The following ADK variants were observed in gnomAD, a reference collection of about 807,000 sequenced individuals.
ADK encodes the protein N6,N6-dimethyladenosine kinase.
In ADK, 24 loss-of-function variants were observed where a neutral mutation model predicts 44.7. The observed-to-expected ratio is 0.54, with a 90% CI of 0.39 to 0.76. The LOEUF is 0.76. Ranked by LOEUF, ADK falls within the 30% of genes least tolerant of loss-of-function variation. The pLI is 0.00. For synonymous variants in ADK, 128 were observed against 142.6 expected, an observed-to-expected ratio of 0.90 and a Z score of 0.73; for missense variants, 321 against 425.1, an observed-to-expected ratio of 0.76 and a Z score of 2.15.
rs1844251357 is a variant in ADK, at chr10:74,220,296, TACACCCTCCCAAG to T, written c.141-4239_141-4227del. Among the ~76,000 whole-genome samples, 7 of 152,314 alleles carry T rather than the reference TACACCCTCCCAAG, an allele frequency of 4.6e-5. No individual in the cohort carries two copies. In the South Asian group the frequency reaches 1.4e-3, roughly 32 times the overall value. ...AGAAATGGATAAATTCCTTGATACA[TACACCCTCCCAAG>T]ACTAAACCAGGAAGAAGTTGAATCT... is the stretch of plus-strand genomic sequence containing the variant. On this transcript the variant is annotated intron_variant, in intron 2 of 10. Transcript: ENST00000539909.
intron 9 of ADK, among the ~76,000 whole-genome samples, chr10:74,648,226 A>G (rs1376838599): frequency 6.6e-6 from 1 of 152,182 alleles, no homozygotes; most frequent in Non-Finnish European, 1.5e-5. Context: ...GACCTGTCCT[A>G]CAAGAAATGC....
intron 6 of ADK, among the ~76,000 whole-genome samples, chr10:74,473,918 A>C (rs962806224): frequency 1.1e-4 from 17 of 152,190 alleles, no homozygotes; most frequent in African/African-American, 4.1e-4. Context: ...ATATTAGTGG[A>C]GAGATATTAT....
chr10:74,371,897 T>A lies in ADK; in HGVS notation c.274-22244T>A. On this transcript the variant is annotated intron_variant, in intron 4 of 10. Transcript: ENST00000539909. ...AGGCAGCCTTCCAAGAGCCACGGCT[T>A]CTTGTGGTTACTGACCCCAGGGCTG... 2.7e-6 allele frequency: 4 copies of A among 1,475,476 alleles called. No homozygotes were observed. The South Asian group carries it at 4.5e-5, about 17-fold the overall frequency. 91.4% of individuals were successfully genotyped at this position (1,475,476 alleles called of 1,614,324 possible). A position where few individuals can be genotyped will look rare whatever the true frequency, so the allele number is the denominator to read the frequency against.
At chr10:74,630,346 G>A (rs1853366117) in intron 9 of ADK, among the ~76,000 whole-genome samples, 1 of 149,916 alleles carries the variant, frequency 6.7e-6, no homozygotes, top group African/African-American at 2.4e-5. Flanking sequence ...TTTTGGTCCA[G>A]GATACAATCT....
chr10:74,664,824 G>A (rs1220552578), intron 9 of ADK, among the ~76,000 whole-genome samples: 8 of 151,950 alleles, frequency 5.3e-5, no homozygotes, highest in South Asian at 2.1e-4. Context: ...CCTGGGCGAC[G>A]CAGCGAAACT....
chr10:74,245,364 C>CAT (rs1845377208), intron 3 of ADK, among the ~76,000 whole-genome samples: 1 of 152,066 alleles, frequency 6.6e-6, no homozygotes, highest in African/African-American at 2.4e-5. Context: ...GAACTTGTTT[C>CAT]ATAGCATTTG....
intron 9 of ADK, among the ~76,000 whole-genome samples, chr10:74,607,798 C>G (rs761660616): frequency 1.3e-4 from 20 of 152,054 alleles, no homozygotes; most frequent in Non-Finnish European, 1.0e-4. Flanking sequence ...ATTGGGGAAG[C>G]TTTCTTGGAT....
intron 10 of ADK, among the ~76,000 whole-genome samples, chr10:74,681,849 CAAAA>C (rs34381749): frequency 5.4e-5 from 5 of 93,146 alleles, no homozygotes; most frequent in African/African-American, 1.5e-4. Flanking sequence ...GACTCCATCT[CAAAA>C]AAAAAAAAAA....
chr10:74,596,693 A>C (rs1851937638), intron 8 of ADK, among the ~76,000 whole-genome samples: 1 of 152,030 alleles, frequency 6.6e-6, no homozygotes, highest in South Asian at 2.1e-4. Context: ...CTATAGGCGC[A>C]TGCCACCACA....
chr10:74,400,266 G>A (rs553414470), intron 6 of ADK, among the ~76,000 whole-genome samples: 2 of 152,082 alleles, frequency 1.3e-5, no homozygotes, highest in East Asian at 1.9e-4. Flanking sequence ...TGTAGCTTCT[G>A]TTTCAGCAGT....
intron 6 of ADK, among the ~76,000 whole-genome samples, chr10:74,477,864 C>A (rs533238422): frequency 6.6e-6 from 1 of 152,320 alleles, no homozygotes; most frequent in African/African-American, 2.4e-5. Flanking sequence ...CTAAGCCTTT[C>A]ATAATAGTCA....
rs187852884 is a variant in ADK, at chr10:74,665,829, A to G, written c.878-4354A>G. On this transcript the variant is annotated intron_variant, in intron 9 of 10. Coordinates refer to ENST00000539909, the MANE Select transcript of ADK (RefSeq NM_006721.4). ...AAGAAAGGAAGGAAAAGGAAGAGAG[A>G]GAGAAAAGAAAGAAAGAAAAACACC... 7.9e-5 allele frequency among the ~76,000 whole-genome samples: 12 copies of G among 152,162 alleles called. No individual in the cohort carries two copies. The East Asian group carries it at 2.1e-3, about 27-fold the overall frequency.
chr10:74,396,136 G>T (rs1843500023), intron 5 of ADK, among the ~76,000 whole-genome samples: 1 of 152,162 alleles, frequency 6.6e-6, no homozygotes, highest in Non-Finnish European at 1.5e-5. Context: ...TCAAAAATTG[G>T]GGAGAAATCT....
intron 3 of ADK, among the ~76,000 whole-genome samples, chr10:74,258,137 G>T (rs1457295367): frequency 1.3e-5 from 2 of 152,090 alleles, no homozygotes; most frequent in Non-Finnish European, 2.9e-5. Flanking sequence ...AAGGAGTTAT[G>T]AGAAATATTT....
intron 2 of ADK, among the ~76,000 whole-genome samples, chr10:74,210,421 A>G (rs1449973165): frequency 6.6e-6 from 1 of 151,964 alleles, no homozygotes; most frequent in Non-Finnish European, 1.5e-5. Context: ...TAAACCTTTA[A>G]TAAACATACA....
chr10:74,570,926 G>A (rs1191332998), intron 7 of ADK, among the ~76,000 whole-genome samples: 1 of 152,138 alleles, frequency 6.6e-6, no homozygotes, highest in Non-Finnish European at 1.5e-5. Flanking sequence ...CTATGGGTTT[G>A]TCATAGATAG....
chr10:74,314,636 C>T (rs1326570422), intron 3 of ADK, 31 bp from the exon 4 acceptor site: 5 of 1,512,288 alleles, frequency 3.3e-6, no homozygotes, highest in Non-Finnish European at 4.6e-6. Flanking sequence ...CAGAAGGTAA[C>T]TTACTTTTTT....
At chr10:74,476,788 C>T (rs553040188) in intron 6 of ADK, among the ~76,000 whole-genome samples, 40 of 152,264 alleles carry the variant, frequency 2.6e-4, no homozygotes, top group East Asian at 2.3e-3. Context: ...TGCTCCTTTA[C>T]GGTAGTTGGT....
At chr10:74,287,002 G>A (rs1039633822) in intron 3 of ADK, among the ~76,000 whole-genome samples, 3 of 151,942 alleles carry the variant, frequency 2.0e-5, no homozygotes, top group South Asian at 2.1e-4. Flanking sequence ...CATTATTATC[G>A]CTGTTTTACA....
Sources: gnomAD v4.1 joint callset for allele counts (sites outside exome capture counted in the v4.1 genomes callset) on GRCh38, gnomAD v4.1.1 for gene constraint, MANE v1.5 for transcripts, NCBI Gene and HGNC (gene_info 2026-07-23, HGNC 2026-07-21) for gene names.